The following JOSD1 variants were observed in gnomAD, a reference collection of about 807,000 sequenced individuals.
JOSD1 encodes the protein josephin-1.
A neutral mutation model predicts 24.3 loss-of-function variants in JOSD1; 11 were observed. The observed-to-expected ratio is 0.45, with a 90% CI of 0.29 to 0.75. The LOEUF is 0.75. Ranked by LOEUF, JOSD1 falls within the 30% of genes least tolerant of loss-of-function variation. The probability of loss-of-function intolerance (pLI) is 0.11; values close to 1 mark genes in which losing one functional copy is unlikely to be tolerated. For synonymous variants in JOSD1, 106 were observed against 93.8 expected, an observed-to-expected ratio of 1.13 and a Z score of -0.75; for missense variants, 184 against 253.5, an observed-to-expected ratio of 0.73 and a Z score of 1.86.
intron 2 of JOSD1, among the ~76,000 whole-genome samples, chr22:38,695,659 CT>C (rs1486649656): frequency 6.6e-6 from 1 of 152,082 alleles, no homozygotes; most frequent in African/African-American, 2.4e-5. Context: ...GTTGCACGGG[CT>C]GGTCTCAAAC....
chr22:38,690,492 T>C (rs944084348), intron 2 of JOSD1, among the ~76,000 whole-genome samples: 11 of 152,068 alleles, frequency 7.2e-5, no homozygotes, highest in Middle Eastern at 3.4e-3. Context: ...AACCTCCGTC[T>C]CCTGCGTTCA....
intron 2 of JOSD1, among the ~76,000 whole-genome samples, chr22:38,697,523 T>C (rs1362684415): frequency 3.3e-5 from 5 of 152,252 alleles, no homozygotes; most frequent in Admixed American, 2.0e-4. Context: ...CTTGTTATCA[T>C]CCACACACAC....
In JOSD1 at chr22:38,688,049, T is replaced by C. The variant is rs746872632; in HGVS notation, c.510-48A>G. On this transcript the variant is annotated intron_variant, in intron 4 of 4. Coordinates refer to ENST00000683374, the MANE Select transcript of JOSD1 (RefSeq NM_001360236.2). ...AATGAAATGCTGGCAAGTTGCAAAT[T>C]CCAGTCTCAGGACCACAAAGTCACC... 6.4e-6 allele frequency: 9 copies of C among 1,403,312 alleles called. No homozygotes were observed. In the South Asian group the frequency reaches 1.1e-4, roughly 16 times the overall value. 86.9% of individuals were successfully genotyped at this position (1,403,312 alleles called of 1,614,324 possible). A position where few individuals can be genotyped will look rare whatever the true frequency, so the allele number is the denominator to read the frequency against.
chr22:38,701,117 G>T (rs1046742987), upstream of JOSD1: 97 of 385,246 alleles, frequency 2.5e-4, no homozygotes, highest in Non-Finnish European at 3.4e-4. Context: ...GCGTGTAGGG[G>T]CGCAGTTCAA....
intron 2 of JOSD1, among the ~76,000 whole-genome samples, chr22:38,689,727 G>A (rs1444197939): frequency 2.6e-5 from 4 of 151,586 alleles, no homozygotes; most frequent in Non-Finnish European, 5.9e-5. Context: ...TCATTTGCAT[G>A]GATAGTAACT....
intron 4 of JOSD1, 136 bp downstream of exon 4, chr22:38,688,799 A>G: frequency 4.9e-6 from 4 of 817,572 alleles, no homozygotes; most frequent in Middle Eastern, 2.9e-4. Context: ...CCGAGACACT[A>G]TGATTCTAAG....
intron 2 of JOSD1, among the ~76,000 whole-genome samples, chr22:38,695,676 G>T (rs1262152820): frequency 1.3e-5 from 2 of 151,960 alleles, no homozygotes; most frequent in Non-Finnish European, 2.9e-5. Context: ...CAAACTGCTG[G>T]ACTGAAGCCA....
Position 38,700,289 on chromosome 22 carries a change from T to TGCC in JOSD1, c.-303_-302insGGC. 1 of 894,458 alleles carries TGCC rather than the reference T, an allele frequency of 1.1e-6. No individual in the cohort carries two copies. The highest frequency in any genetic ancestry group is 1.4e-6 in the Non-Finnish European group (1 of 733,828). The allele number at this position is 894,458 out of a possible 1,614,324, so 55.4% of individuals were successfully genotyped here. A position where few individuals can be genotyped will look rare whatever the true frequency, so the allele number is the denominator to read the frequency against. Reference sequence around the variant, plus strand: ...GACCTTGTTTCCGTTTCCCCACCCTTCCCTCCCACCCCCCTCCAAAATCCC... The same window carrying TGCC: ...GACCTTGTTTCCGTTTCCCCACCCTTGCCCCCTCCCACCCCCCTCCAAAATCCC... On this transcript the variant is annotated 5_prime_UTR_variant, in exon 2 of 5. Transcript: ENST00000683374.
rs907918595 is a variant in JOSD1, at chr22:38,685,677, G to A, written c.*2225C>T. The A allele has an allele frequency of 2.0e-5, 3 of 152,488 alleles. No individual in the cohort carries two copies. Among genetic ancestry groups the A allele is most frequent in the Admixed American group, 1.3e-4 (2 of 15,260 alleles). The allele number at this position is 152,488 out of a possible 1,614,324, so 9.4% of individuals were successfully genotyped here. A position where few individuals can be genotyped will look rare whatever the true frequency, so the allele number is the denominator to read the frequency against. On this transcript the variant is annotated 3_prime_UTR_variant, in exon 5 of 5. Coordinates refer to ENST00000683374, the MANE Select transcript of JOSD1 (RefSeq NM_001360236.2). ...CAAAATACATCTTTTGTAAACAAAC[G>A]CAGCACAAGGCCAACAACAAAAAGG...
In JOSD1 at chr22:38,700,626, G is replaced by A. The variant is rs1351819117; in HGVS notation, c.-631-8C>T. ...AGCCCTCTGGCCGCGGCCCTGCGGAGGAGGAGACAACTCCGGTCAGCGGCG... is the reference window on the plus strand; with the variant it reads ...AGCCCTCTGGCCGCGGCCCTGCGGAAGAGGAGACAACTCCGGTCAGCGGCG... On this transcript the variant is annotated splice_polypyrimidine_tract_variant and splice_region_variant and intron_variant, in intron 1 of 4. Coordinates refer to ENST00000683374, the MANE Select transcript of JOSD1 (RefSeq NM_001360236.2). The A allele has an allele frequency of 3.1e-5, 31 of 984,854 alleles. No individual in the cohort carries two copies. The highest frequency in any genetic ancestry group is 3.7e-5 in the Non-Finnish European group (31 of 829,550). The allele number at this position is 984,854 out of a possible 1,614,324, so 61.0% of individuals were successfully genotyped here.
chr22:38,698,723 AAAGT>A (rs1399042564), intron 2 of JOSD1, among the ~76,000 whole-genome samples: 1 of 152,162 alleles, frequency 6.6e-6, no homozygotes, highest in Non-Finnish European at 1.5e-5. Context: ...AACCTTTAAT[AAAGT>A]AATTCTAGAA....
At chr22:38,698,465 G>A (rs1263355016) in intron 2 of JOSD1, among the ~76,000 whole-genome samples, 1 of 152,164 alleles carries the variant, frequency 6.6e-6, no homozygotes, top group African/African-American at 2.4e-5. Context: ...CCCCAAATAG[G>A]TTGCTTCCAG....
In JOSD1 at chr22:38,699,819, G is replaced by C; in HGVS notation, c.169C>G (p.Gln57Glu). The C allele has an allele frequency of 6.2e-7, 1 of 1,614,164 alleles. No homozygotes were observed. The highest frequency in any genetic ancestry group is 8.5e-7 in the Non-Finnish European group (1 of 1,180,010). Reference sequence around the variant, plus strand: ...GTCCCCTACCTCTGGAAAATCTCTTGCAGCGTATCCCGGGTGAAGGCATTG... The same window carrying C: ...GTCCCCTACCTCTGGAAAATCTCTTCCAGCGTATCCCGGGTGAAGGCATTG... Reference protein sequence around the residue: ...DSNAFTRDTLQEIFQRLSPNT... With the variant: ...DSNAFTRDTLEEIFQRLSPNT... Residue 57 changes from glutamine (Q) to glutamate (E), a missense_variant, in exon 2 of 5, where the codon CAA becomes GAA. Physicochemically the swap from Gln to Glu is conservative, Grantham distance 29 (BLOSUM62 2). Coordinates refer to ENST00000683374, the MANE Select transcript of JOSD1 (RefSeq NM_001360236.2).
intron 1 of JOSD1, 68 bp downstream of exon 1, chr22:38,700,732 G>T: frequency 1.0e-6 from 1 of 980,064 alleles, no homozygotes; most frequent in Non-Finnish European, 1.2e-6. Flanking sequence ...CCCGCGAGGG[G>T]TGGGGCCGGA....
At chr22:38,695,444 G>GATTTTTTTTTTTT (rs774166895) in intron 2 of JOSD1, among the ~76,000 whole-genome samples, 1 of 114,774 alleles carries the variant, frequency 8.7e-6, no homozygotes. Flanking sequence ...TTTTTGCCTA[G>GATTTTTTTTTTTT]TTTTTTTTTT....
chr22:38,691,762 C>A (rs2092523423), intron 2 of JOSD1, among the ~76,000 whole-genome samples: 1 of 152,134 alleles, frequency 6.6e-6, no homozygotes, highest in Non-Finnish European at 1.5e-5. Flanking sequence ...TCCGGAGAGG[C>A]CTTTTCTTGA....
chr22:38,699,543 A>C (rs2092558602), intron 2 of JOSD1, among the ~76,000 whole-genome samples: 1 of 152,258 alleles, frequency 6.6e-6, no homozygotes, highest in African/African-American at 2.4e-5. Context: ...TGGAAATAAC[A>C]TCACATATTA....
Position 38,700,279 on chromosome 22 carries a change from T to TGG in JOSD1, c.-293_-292insCC. On this transcript the variant is annotated 5_prime_UTR_variant, in exon 2 of 5. Transcript: ENST00000683374. ...TAAAATGTAAGACCTTGTTTCCGTT[T>TGG]CCCCACCCTTCCCTCCCACCCCCCT... 2 of 1,028,282 alleles carry TGG rather than the reference T, an allele frequency of 1.9e-6. No homozygotes were observed. Among genetic ancestry groups the TGG allele is most frequent in the Non-Finnish European group, 2.4e-6 (2 of 850,038 alleles). 63.7% of individuals were successfully genotyped at this position (1,028,282 alleles called of 1,614,324 possible). A position where few individuals can be genotyped will look rare whatever the true frequency, so the allele number is the denominator to read the frequency against.
At position 38,700,881 on chromosome 22, in the gene JOSD1, C is replaced by G. The variant is rs1280389483; in HGVS notation, c.-713G>C. 5 of 984,452 alleles carry G rather than the reference C, an allele frequency of 5.1e-6. No individual in the cohort carries two copies. Among genetic ancestry groups the G allele is most frequent in the Admixed American group, 6.2e-5 (1 of 16,150 alleles). The allele number at this position is 984,452 out of a possible 1,614,324, so 61.0% of individuals were successfully genotyped here. ...GCAGACCCCAGGGCCGCCGGGACTG[C>G]TCGCCGCTGGCGGTCCCCTCACCGC... On this transcript the variant is annotated 5_prime_UTR_variant, in exon 1 of 5. Transcript: ENST00000683374.
Sources: allele counts gnomAD v4.1 joint callset (sites outside exome capture counted in the v4.1 genomes callset), GRCh38; gene constraint gnomAD v4.1.1; transcripts MANE v1.5; gene names NCBI Gene and HGNC (gene_info 2026-07-23, HGNC 2026-07-21).